Variants in CWC27 observed in about 807,000 individuals in gnomAD.
The protein encoded by CWC27 is CWC27 spliceosome associated cyclophilin, also known as spliceosome-associated protein CWC27 homolog.
CWC27 carries 47 observed loss-of-function variants against 63.6 expected under a neutral mutation model. The observed-to-expected ratio is 0.74, with a 90% confidence interval of 0.58 to 0.94. The LOEUF (loss-of-function observed/expected upper bound fraction) is 0.94. CWC27 is among the 40% of genes least tolerant of loss of function. The pLI, the probability that CWC27 is intolerant of heterozygous loss-of-function variation, is 0.00. For missense variants in CWC27, 495 were observed against 554.3 expected, an observed-to-expected ratio of 0.89 and a Z score of 1.07; for synonymous variants, 175 against 179.8, an observed-to-expected ratio of 0.97 and a Z score of 0.22.
intron 11 of CWC27, among the ~76,000 whole-genome samples, chr5:64,902,510 T>C (rs1029135991): frequency 1.3e-5 from 2 of 152,226 alleles, no homozygotes; most frequent in Admixed American, 1.3e-4. Flanking sequence ...CCTTCAACTT[T>C]TGTTGAAAAT....
At chr5:65,015,425 T>A (rs1332613480) in intron 13 of CWC27, among the ~76,000 whole-genome samples, 1 of 152,184 alleles carries the variant, frequency 6.6e-6, no homozygotes, top group Non-Finnish European at 1.5e-5. Context: ...TTGATGAAAG[T>A]GTTTTAAAGG....
At chr5:64,796,014 TG>T in intron 7 of CWC27, among the ~76,000 whole-genome samples, 1 of 142,576 alleles carries the variant, frequency 7.0e-6, no homozygotes. Flanking sequence ...TGTGTGTGTG[TG>T]TGTGTGTGTG....
At chr5:64,835,798 A>G (rs1254440225) in intron 10 of CWC27, among the ~76,000 whole-genome samples, 1 of 151,730 alleles carries the variant, frequency 6.6e-6, no homozygotes, top group Admixed American at 6.6e-5. Context: ...TATATTTTTT[A>G]TGAAGAAAAC....
In CWC27 at chr5:64,855,365, C is replaced by G. The variant is rs143554404; in HGVS notation, c.939-30078C>G. Among the ~76,000 whole-genome samples the G allele has an allele frequency of 2.3e-3, 343 of 152,182 alleles. 1 individual carries two copies. The highest frequency in any genetic ancestry group is 7.8e-3 in the African/African-American group (326 of 41,554). On this transcript the variant is annotated intron_variant, in intron 10 of 13. Coordinates refer to ENST00000381070, the MANE Select transcript of CWC27 (RefSeq NM_005869.4). ...AAAACATGTCTTTCTCTGAACATGT[C>G]AGCATAATAAACAGCCAGGTGCTTT... is the stretch of plus-strand genomic sequence containing the variant.
At chr5:64,855,462 G>A (rs1379471695) in intron 10 of CWC27, among the ~76,000 whole-genome samples, 2 of 152,106 alleles carry the variant, frequency 1.3e-5, no homozygotes, top group Non-Finnish European at 2.9e-5. Context: ...TTAAAATAAA[G>A]AGATTTCAGT....
intron 10 of CWC27, among the ~76,000 whole-genome samples, chr5:64,850,829 A>G (rs1024981779): frequency 1.2e-4 from 19 of 152,210 alleles, no homozygotes; most frequent in African/African-American, 4.3e-4. Context: ...ATCACTAATG[A>G]TTAGGTAAAT....
At chr5:64,872,002 C>A (rs1746686689) in intron 10 of CWC27, among the ~76,000 whole-genome samples, 1 of 152,102 alleles carries the variant, frequency 6.6e-6, no homozygotes, top group Non-Finnish European at 1.5e-5. Flanking sequence ...ATAGTATCAT[C>A]ATCAACATCA....
intron 11 of CWC27, among the ~76,000 whole-genome samples, chr5:64,930,119 A>G (rs937882643): frequency 1.3e-5 from 2 of 152,212 alleles, no homozygotes; most frequent in South Asian, 2.1e-4. Flanking sequence ...ACAAAAGACC[A>G]TGAATTATAT....
intron 6 of CWC27, among the ~76,000 whole-genome samples, chr5:64,788,672 C>T (rs1743966239): frequency 6.6e-6 from 1 of 151,884 alleles, no homozygotes; most frequent in South Asian, 2.1e-4. Flanking sequence ...ATGCTTTACT[C>T]AGTAAATTTA....
intron 10 of CWC27, chr5:64,808,114 T>C: frequency 9.0e-7 from 1 of 1,112,666 alleles, no homozygotes; most frequent in Non-Finnish European, 1.1e-6. Context: ...AGCAGTAGCA[T>C]TAGTATCACT....
chr5:64,780,479 A>G (rs909678483), intron 2 of CWC27, among the ~76,000 whole-genome samples: 8 of 149,228 alleles, frequency 5.4e-5, no homozygotes, highest in Admixed American at 4.7e-4. Flanking sequence ...AACAATATAT[A>G]TAAATATATG....
intron 10 of CWC27, among the ~76,000 whole-genome samples, chr5:64,825,294 G>T (rs534375841): frequency 6.6e-6 from 1 of 152,196 alleles, no homozygotes; most frequent in African/African-American, 2.4e-5. Context: ...TTGACACTGG[G>T]TGTTCTTTTC....
At chr5:64,897,314 A>G (rs777552742) in intron 11 of CWC27, among the ~76,000 whole-genome samples, 17 of 152,210 alleles carry the variant, frequency 1.1e-4, no homozygotes, top group Non-Finnish European at 1.9e-4. Flanking sequence ...TACTCACAAT[A>G]GCAAAGACTT....
chr5:64,854,949 A>G (rs1746217203), intron 10 of CWC27, among the ~76,000 whole-genome samples: 1 of 151,904 alleles, frequency 6.6e-6, no homozygotes, highest in Admixed American at 6.6e-5. Context: ...TTTTTGAAAG[A>G]TTTATCGTCA....
intron 13 of CWC27, among the ~76,000 whole-genome samples, chr5:64,984,174 A>G (rs942615663): frequency 1.3e-5 from 2 of 152,268 alleles, no homozygotes; most frequent in South Asian, 2.1e-4. Context: ...AGCCTCTTCA[A>G]TTCACAAAAT....
intron 8 of CWC27, among the ~76,000 whole-genome samples, chr5:64,801,000 A>T (rs1170088521): frequency 1.3e-5 from 2 of 152,164 alleles, no homozygotes; most frequent in Non-Finnish European, 2.9e-5. Context: ...TCAAGCCAAT[A>T]AAAGAAATTG....
intron 1 of CWC27, among the ~76,000 whole-genome samples, chr5:64,773,556 A>T (rs957958821): frequency 1.3e-5 from 2 of 152,130 alleles, no homozygotes; most frequent in African/African-American, 4.8e-5. Context: ...AAACAGCCTC[A>T]TGTTTTTGAA....
intron 11 of CWC27, among the ~76,000 whole-genome samples, chr5:64,920,469 G>A (rs979019941): frequency 9.2e-5 from 14 of 152,106 alleles, no homozygotes; most frequent in East Asian, 1.9e-4. Flanking sequence ...TTTGGTATCC[G>A]AATGATGCTG....
chr5:64,859,180 A>C (rs112142048), intron 10 of CWC27, among the ~76,000 whole-genome samples: 1 of 152,204 alleles, frequency 6.6e-6, no homozygotes, highest in East Asian at 1.9e-4. Flanking sequence ...ATAGTGCATG[A>C]TTCTATTTAT....
Sources: gnomAD v4.1 joint callset for allele counts (sites outside exome capture counted in the v4.1 genomes callset) on GRCh38, gnomAD v4.1.1 for gene constraint, MANE v1.5 for transcripts, NCBI Gene and HGNC (gene_info 2026-07-23, HGNC 2026-07-21) for gene names.